Variants in PSMA8 observed in about 807,000 individuals in gnomAD.
PSMA8 encodes the protein proteasome 20S subunit alpha 8, also known as proteasome subunit alpha-type 8.
PSMA8 carries 18 observed loss-of-function variants against 32.4 expected under a neutral mutation model. The observed-to-expected ratio is 0.56, with a 90% CI of 0.38 to 0.82. The LOEUF (loss-of-function observed/expected upper bound fraction) is 0.82, where lower values mean the gene tolerates loss of function less well. Ranked by LOEUF, PSMA8 falls within the 40% of genes least tolerant of loss-of-function variation. The pLI is 0.00. For missense variants in PSMA8, 298 were observed against 300.7 expected (o/e 0.99, Z 0.07); for synonymous variants, 104 against 98.1 (o/e 1.06, Z -0.36).
chr18:26,144,945 C>T (rs979747022), intron 2 of PSMA8, among the ~76,000 whole-genome samples: 2 of 151,246 alleles, frequency 1.3e-5, no homozygotes, highest in African/African-American at 2.4e-5. Context: ...TAAATAATTA[C>T]AGATTTAGAA....
chr18:26,153,933 G>A (rs543697848), intron 3 of PSMA8, among the ~76,000 whole-genome samples: 1 of 151,940 alleles, frequency 6.6e-6, no homozygotes, highest in South Asian at 2.1e-4. Context: ...ACAGACTCTT[G>A]CTCTGTTGCC....
intron 4 of PSMA8, among the ~76,000 whole-genome samples, chr18:26,158,853 G>T (rs2055112201): frequency 6.6e-6 from 1 of 152,252 alleles, no homozygotes; most frequent in Middle Eastern, 3.4e-3. Context: ...CACACCCATG[G>T]TTCCAGATAC....
rs550396006 is a variant in PSMA8, at chr18:26,140,567, G to T, written c.103-3992G>T. 2.0e-5 allele frequency among the ~76,000 whole-genome samples: 3 copies of T among 152,218 alleles called. No homozygotes were observed. In the East Asian group the frequency reaches 5.8e-4, roughly 29 times the overall value. ...GTAGTACAAATTGGTATTTCTGCTG[G>T]GACATGGGCATGGGAAACTCCTATT... On this transcript the variant is annotated intron_variant, in intron 1 of 6. Transcript: ENST00000415576.
At chr18:26,154,260 TGTAA>T (rs1224124728) in intron 3 of PSMA8, among the ~76,000 whole-genome samples, 2 of 152,242 alleles carry the variant, frequency 1.3e-5, no homozygotes. Context: ...ATCCTATATA[TGTAA>T]GTTTTAACTG....
intron 1 of PSMA8, chr18:26,140,027 AT>A (rs2054942216): frequency 1.4e-6 from 1 of 702,296 alleles, no homozygotes; most frequent in Non-Finnish European, 2.6e-6. Context: ...TCCATACTTT[AT>A]TTTCTTCCTT....
intron 6 of PSMA8, among the ~76,000 whole-genome samples, chr18:26,180,389 GTTGCT>G (rs1283532713): frequency 6.6e-6 from 1 of 152,068 alleles, no homozygotes; most frequent in Admixed American, 6.6e-5. Context: ...TGTCATCATG[GTTGCT>G]TTGACATCAA....
At chr18:26,182,499 A>G (rs185398342) in intron 6 of PSMA8, among the ~76,000 whole-genome samples, 305 of 152,326 alleles carry the variant, frequency 2.0e-3, no homozygotes, top group Non-Finnish European at 3.4e-3. Context: ...ACTGAGACCT[A>G]ACACTCAAAA....
chr18:26,187,091 T>A (rs1411066740), intron 6 of PSMA8, among the ~76,000 whole-genome samples: 1 of 152,206 alleles, frequency 6.6e-6, no homozygotes, highest in East Asian at 1.9e-4. Context: ...ATGCCTGTAA[T>A]CCCAGCACTT....
At chr18:26,192,066 T>C (rs933904439) in intron 6 of PSMA8, among the ~76,000 whole-genome samples, 4 of 152,168 alleles carry the variant, frequency 2.6e-5, no homozygotes, top group Non-Finnish European at 5.9e-5. Flanking sequence ...ATATAGGATA[T>C]ATAACGCAAT....
At chr18:26,175,010 A>C (rs2055252711) in intron 4 of PSMA8, among the ~76,000 whole-genome samples, 1 of 152,236 alleles carries the variant, frequency 6.6e-6, no homozygotes, top group Non-Finnish European at 1.5e-5. Context: ...GGCTGAAAAG[A>C]CTTTAAAAGC....
chr18:26,179,248 A>T, intron 6 of PSMA8, 118 bp downstream of exon 6: 1 of 642,312 alleles, frequency 1.6e-6, no homozygotes, highest in East Asian at 2.8e-5. Context: ...ATGTCAAATA[A>T]CCTCCACTCA....
chr18:26,174,756 G>C (rs557927651), intron 4 of PSMA8, among the ~76,000 whole-genome samples: 2 of 152,274 alleles, frequency 1.3e-5, no homozygotes, highest in East Asian at 3.9e-4. Context: ...CATGTTAACA[G>C]GTATTAGGTA....
chr18:26,144,308 A>G (rs949955039), intron 1 of PSMA8, among the ~76,000 whole-genome samples: 2 of 152,194 alleles, frequency 1.3e-5, no homozygotes, highest in African/African-American at 4.8e-5. Flanking sequence ...GTATGAGATT[A>G]GGACACTCAT....
rs139025081 is a variant in PSMA8 at position 26,188,110 on chromosome 18, A to C, written c.661-4209A>C. On this transcript the variant is annotated intron_variant, in intron 6 of 6. Coordinates refer to ENST00000415576, the MANE Select transcript of PSMA8 (RefSeq NM_001025096.2). ...ATCTCTGACCACAGTGGAAAAAAAAAACTAGAAATCAGTAACTAGAGGAAT... is the reference window on the plus strand; with the variant it reads ...ATCTCTGACCACAGTGGAAAAAAAACACTAGAAATCAGTAACTAGAGGAAT... Among the ~76,000 whole-genome samples the C allele has an allele frequency of 8.5e-5, 13 of 152,298 alleles. No individual in the cohort carries two copies. In the East Asian group the frequency reaches 1.9e-3, roughly 23 times the overall value.
chr18:26,153,213 G>A (rs1750713752), intron 3 of PSMA8, among the ~76,000 whole-genome samples: 1 of 151,960 alleles, frequency 6.6e-6, no homozygotes, highest in Non-Finnish European at 1.5e-5. Context: ...TAGTTGCTAT[G>A]TCATAATTTA....
chr18:26,162,595 G>T (rs140889092), intron 4 of PSMA8, among the ~76,000 whole-genome samples: 1 of 152,188 alleles, frequency 6.6e-6, no homozygotes, highest in Admixed American at 6.5e-5. Context: ...GCTGGGCGCG[G>T]TGTCTCATGC....
chr18:26,145,319 T>A (rs962369504), intron 2 of PSMA8, among the ~76,000 whole-genome samples: 7 of 152,104 alleles, frequency 4.6e-5, no homozygotes, highest in Non-Finnish European at 7.4e-5. Context: ...GGTTTCTCCA[T>A]GTTGGTCAGG....
chr18:26,139,075 G>A (rs1389658776), intron 1 of PSMA8, among the ~76,000 whole-genome samples: 4 of 152,192 alleles, frequency 2.6e-5, no homozygotes, highest in Non-Finnish European at 5.9e-5. Flanking sequence ...TCCCTTGGAT[G>A]TGGGCTGAAC....
intron 6 of PSMA8, among the ~76,000 whole-genome samples, chr18:26,184,485 GT>G (rs973021056): frequency 6.6e-6 from 1 of 150,422 alleles, no homozygotes; most frequent in Non-Finnish European, 1.5e-5. Flanking sequence ...ATTAGAAGTT[GT>G]TTTTGGCCGG....
Sources: gnomAD v4.1 joint callset for allele counts (sites outside exome capture counted in the v4.1 genomes callset) on GRCh38, gnomAD v4.1.1 for gene constraint, MANE v1.5 for transcripts, NCBI Gene and HGNC (gene_info 2026-07-23, HGNC 2026-07-21) for gene names.